Variants in CSDE1 observed in about 807,000 individuals in gnomAD.
The protein encoded by CSDE1 is cold shock domain containing E1.
CSDE1 carries 17 observed loss-of-function variants against 89.3 expected under a neutral mutation model. The ratio of observed to expected loss-of-function variants is 0.19; its 90% CI spans 0.13 to 0.29. CSDE1 has a LOEUF of 0.29. Among genes scored for constraint, CSDE1 ranks in the 10% least tolerant of loss-of-function variants. CSDE1 has a pLI of 1.00. For synonymous variants in CSDE1, 322 were observed against 332.8 expected (o/e 0.97, Z 0.35); for missense variants, 672 against 984.2 (o/e 0.68, Z 4.24).
chr1:114,718,816 T>C, intron 18 of CSDE1, 71 bp from the exon 19 acceptor site: 2 of 1,558,406 alleles, frequency 1.3e-6, no homozygotes, highest in East Asian at 2.3e-5. Flanking sequence ...CAAAGGAGTG[T>C]GTTTTCCACC....
At chr1:114,755,275 A>G (rs967549684) in intron 1 of CSDE1, among the ~76,000 whole-genome samples, 3 of 152,234 alleles carry the variant, frequency 2.0e-5, no homozygotes, top group Non-Finnish European at 1.5e-5. Flanking sequence ...TGTGCCAATT[A>G]GCAACAGGAA....
At chr1:114,757,341 C>T (rs1436731158) in intron 1 of CSDE1, among the ~76,000 whole-genome samples, 1 of 151,380 alleles carries the variant, frequency 6.6e-6, no homozygotes, top group African/African-American at 2.5e-5. Flanking sequence ...AGTCTATACA[C>T]AAAGAAGGCG....
rs1661286483 is a variant in CSDE1, at chr1:114,751,149, GC to G, written c.-387-943del. ...AATCCTAAAGGAGATGACTTAGTAA[GC>G]AAACAGAAATCTCATTTGCACTGCT... On this transcript the variant is annotated intron_variant, in intron 1 of 19. Coordinates refer to ENST00000358528, the MANE Select transcript of CSDE1 (RefSeq NM_001007553.3). Among the ~76,000 whole-genome samples, 6 of 152,298 alleles carry G rather than the reference GC, an allele frequency of 3.9e-5. No homozygotes were observed. The South Asian group carries it at 1.2e-3, about 32-fold the overall frequency.
intron 2 of CSDE1, chr1:114,741,529 ATC>A: frequency 6.5e-7 from 1 of 1,545,910 alleles, no homozygotes; most frequent in East Asian, 2.5e-5. Flanking sequence ...TGACTTACAG[ATC>A]TCTGATAAGT....
At chr1:114,746,701 G>A (rs1661029142) in intron 2 of CSDE1, 1 of 152,096 alleles carries the variant, frequency 6.6e-6, no homozygotes, top group Non-Finnish European at 1.5e-5. Flanking sequence ...GCATACACCT[G>A]GAGACTTCTC....
intron 1 of CSDE1, among the ~76,000 whole-genome samples, chr1:114,754,837 T>TAG (rs897496595): frequency 1.7e-4 from 26 of 152,330 alleles, no homozygotes; most frequent in African/African-American, 6.0e-4. Flanking sequence ...ATATTTAAAA[T>TAG]TATCTATCAC....
intron 2 of CSDE1, among the ~76,000 whole-genome samples, chr1:114,743,917 C>CA (rs1660871664): frequency 6.6e-6 from 1 of 152,202 alleles, no homozygotes; most frequent in Admixed American, 6.5e-5. Context: ...ACCACTCAAA[C>CA]AACTTTAGAT....
chr1:114,738,259 A>G (rs1331656430), intron 3 of CSDE1, among the ~76,000 whole-genome samples, 187 bp from the exon 4 acceptor site: 2 of 152,184 alleles, frequency 1.3e-5, no homozygotes, highest in African/African-American at 4.8e-5. Context: ...CTCTAGTCCT[A>G]GCCAAAGACA....
intron 7 of CSDE1, 143 bp downstream of exon 7, chr1:114,734,299 T>A (rs1660271996): frequency 1.9e-6 from 2 of 1,052,124 alleles, no homozygotes; most frequent in Admixed American, 2.9e-5. Flanking sequence ...ACCAAGGAAT[T>A]TTAAGAGACT....
chr1:114,730,422 C>A lies in CSDE1; in HGVS notation c.1192G>T (p.Asp398Tyr). 2 of 1,611,302 alleles carry A rather than the reference C, an allele frequency of 1.2e-6. No homozygotes were observed. Among genetic ancestry groups the A allele is most frequent in the Non-Finnish European group, 1.7e-6 (2 of 1,179,214 alleles). ...ADEVEFTVVP[D>Y]MLSAQRNHAI... ...TGATTTCTTTGAGCAGAGAGCATAT[C>A]CTAAAAATGATAAAACAAAATTAAC... Residue 398 changes from aspartate to tyrosine, a missense_variant and splice_region_variant, in exon 12 of 20, where the codon GAT becomes TAT. Physicochemically the swap from Asp to Tyr is radical, Grantham distance 160. Around this residue, in one of 8 missense-constraint regions of CSDE1, gnomAD observed 169 missense variants for 262.9 expected, o/e 0.64. Coordinates refer to ENST00000358528, the MANE Select transcript of CSDE1 (RefSeq NM_001007553.3).
At chr1:114,742,285 T>C (rs1447565574) in intron 2 of CSDE1, among the ~76,000 whole-genome samples, 1 of 152,174 alleles carries the variant, frequency 6.6e-6, no homozygotes, top group Non-Finnish European at 1.5e-5. Flanking sequence ...GTAACTAAGC[T>C]ACCTTCACAA....
Position 114,722,140 on chromosome 1 carries a change from C to T in CSDE1, c.1874-1423G>A, listed in dbSNP as rs74858815. 3.2e-4 allele frequency among the ~76,000 whole-genome samples: 49 copies of T among 152,306 alleles called. No individual in the cohort carries two copies. The East Asian group carries it at 8.3e-3, about 26-fold the overall frequency. On this transcript the variant is annotated intron_variant, in intron 16 of 19. Coordinates refer to ENST00000358528, the MANE Select transcript of CSDE1 (RefSeq NM_001007553.3). ...TCAGGTGATCTGCCTGCCTTGGCTTCCCAAAGTGCTGGGATTACAGGTGTG... is the reference window on the plus strand; with the variant it reads ...TCAGGTGATCTGCCTGCCTTGGCTTTCCAAAGTGCTGGGATTACAGGTGTG...
At chr1:114,734,415 C>A in intron 7 of CSDE1, 27 bp downstream of exon 7, 1 of 1,596,684 alleles carries the variant, frequency 6.3e-7, no homozygotes, top group East Asian at 2.2e-5. Context: ...CCAAAGAAAA[C>A]TCAAGTTTCT....
At chr1:114,753,581 C>G (rs1661421220) in intron 1 of CSDE1, among the ~76,000 whole-genome samples, 1 of 152,154 alleles carries the variant, frequency 6.6e-6, no homozygotes, top group Admixed American at 6.5e-5. Context: ...ACAAGTGCAT[C>G]TCCTCCATCC....
At chr1:114,737,285 C>A (rs886277552) in intron 5 of CSDE1, among the ~76,000 whole-genome samples, 186 bp downstream of exon 5, 5 of 152,108 alleles carry the variant, frequency 3.3e-5, no homozygotes, top group African/African-American at 7.2e-5. Flanking sequence ...AACTAAGACA[C>A]TTGGAAGTCC....
chr1:114,734,027 G>A lies in CSDE1; in HGVS notation c.673C>T (p.Pro225Ser). Residue 225 changes from proline to serine, a missense_variant, in exon 8 of 20, where the codon CCT (proline) becomes TCT (serine). Coordinates refer to ENST00000358528, the MANE Select transcript of CSDE1 (RefSeq NM_001007553.3). ...ATTGTGAATTCCACATCATCGCCAG[G>A]CTGTAAGGTTTCTAAGTCACCCTTA... ...EFKGDLETLQ[P>S]GDDVEFTIKD... The A allele has an allele frequency of 6.2e-7, 1 of 1,613,314 alleles. No individual in the cohort carries two copies. The highest frequency in any genetic ancestry group is 8.5e-7 in the Non-Finnish European group (1 of 1,179,910).
intron 17 of CSDE1, 121 bp from the exon 18 acceptor site, chr1:114,719,863 C>A: frequency 1.0e-6 from 1 of 954,944 alleles, no homozygotes; most frequent in Non-Finnish European, 1.5e-6. Flanking sequence ...ATACTCCAGT[C>A]CAGCTGCCTG....
At chr1:114,730,718 C>A in intron 10 of CSDE1, 70 bp from the exon 11 acceptor site, 1 of 1,559,922 alleles carries the variant, frequency 6.4e-7, no homozygotes, top group Non-Finnish European at 8.8e-7. Context: ...TTTACAACCA[C>A]CATCAAGTTA....
At chr1:114,724,113 T>C (rs886504241) in intron 15 of CSDE1, 111 bp from the exon 16 acceptor site, 1 of 1,239,174 alleles carries the variant, frequency 8.1e-7, no homozygotes, top group African/African-American at 1.5e-5. Flanking sequence ...GTTGGCTGGC[T>C]GCTATTGAAA....
Sources: allele counts gnomAD v4.1 joint callset (sites outside exome capture counted in the v4.1 genomes callset), GRCh38; gene constraint gnomAD v4.1.1; regional missense constraint gnomAD v4.1.1; transcripts MANE v1.5; gene names NCBI Gene and HGNC (gene_info 2026-07-23, HGNC 2026-07-21).